Variants in MAGI2 observed in about 807,000 individuals in gnomAD.
MAGI2 encodes the protein membrane associated guanylate kinase, WW and PDZ domain containing 2, also known as membrane-associated guanylate kinase, WW and PDZ domain-containing protein 2.
Under a neutral mutation model 133.3 loss-of-function variants are expected in MAGI2, and 35 were observed. The observed-to-expected ratio is 0.26, with a 90% confidence interval of 0.20 to 0.35. MAGI2 has a LOEUF of 0.35. Ranked by LOEUF, MAGI2 falls within the 10% of genes least tolerant of loss-of-function variation. The pLI is 1.00. For missense variants in MAGI2, 1,636 were observed against 1,863.4 expected, an observed-to-expected ratio of 0.88 and a Z score of 2.25; for synonymous variants, 729 against 710.6, an observed-to-expected ratio of 1.03 and a Z score of -0.41.
chr7:78,897,253 T>C (rs1167559706), intron 2 of MAGI2, among the ~76,000 whole-genome samples: 1 of 152,210 alleles, frequency 6.6e-6, no homozygotes, highest in African/African-American at 2.4e-5. Context: ...ATGTACTTTG[T>C]TTCCCAAGTT....
At chr7:79,075,670 G>A (rs1236395818) in intron 1 of MAGI2, among the ~76,000 whole-genome samples, 2 of 152,022 alleles carry the variant, frequency 1.3e-5, no homozygotes, top group African/African-American at 2.4e-5. Flanking sequence ...TGCTGAGGTG[G>A]GGAGTATGAC....
chr7:79,370,595 T>G (rs186238589), intron 1 of MAGI2, among the ~76,000 whole-genome samples: 1 of 151,410 alleles, frequency 6.6e-6, no homozygotes. Flanking sequence ...GCCAGCCAGG[T>G]TTCACGTTTC....
chr7:79,340,611 G>A (rs1236708586), intron 1 of MAGI2, among the ~76,000 whole-genome samples: 1 of 151,988 alleles, frequency 6.6e-6, no homozygotes, highest in African/African-American at 2.4e-5. Flanking sequence ...TTTCTAATAG[G>A]ATTTTGGTAT....
At chr7:79,424,531 A>G (rs577659008) in intron 1 of MAGI2, among the ~76,000 whole-genome samples, 51 of 152,150 alleles carry the variant, frequency 3.4e-4, no homozygotes, top group Non-Finnish European at 6.2e-4. Flanking sequence ...ATATGATCAA[A>G]AAATGCACAG....
intron 1 of MAGI2, among the ~76,000 whole-genome samples, chr7:79,140,177 T>C (rs1191016437): frequency 6.6e-6 from 1 of 152,244 alleles, no homozygotes; most frequent in Non-Finnish European, 1.5e-5. Flanking sequence ...TCACATTTGC[T>C]AGCTTAAAGC....
intron 4 of MAGI2, among the ~76,000 whole-genome samples, chr7:78,514,313 A>G (rs1351416498): frequency 6.6e-6 from 1 of 151,546 alleles, no homozygotes; most frequent in South Asian, 2.1e-4. Flanking sequence ...TATAATTACA[A>G]TCACCACAAA....
intron 2 of MAGI2, among the ~76,000 whole-genome samples, chr7:78,800,416 A>G (rs992530357): frequency 6.6e-6 from 1 of 151,966 alleles, no homozygotes; most frequent in Non-Finnish European, 1.5e-5. Flanking sequence ...CTGTATTCAG[A>G]TGGAGGCTTA....
At chr7:78,564,886 C>T (rs548775031) in intron 3 of MAGI2, among the ~76,000 whole-genome samples, 18 of 149,530 alleles carry the variant, frequency 1.2e-4, no homozygotes, top group African/African-American at 3.7e-4. Flanking sequence ...CTCCGCCTCC[C>T]GGGTTCAGGC....
chr7:79,248,619 C>T (rs1832989086), intron 1 of MAGI2, among the ~76,000 whole-genome samples: 1 of 152,028 alleles, frequency 6.6e-6, no homozygotes. Context: ...TAAGTTAGAC[C>T]ACAAAACAAG....
At chr7:78,258,602 G>A (rs138467407) in intron 9 of MAGI2, among the ~76,000 whole-genome samples, 19 of 151,916 alleles carry the variant, frequency 1.3e-4, no homozygotes, top group East Asian at 1.2e-3. Flanking sequence ...CTAGGTGTCC[G>A]TAAAAACAAT....
intron 2 of MAGI2, among the ~76,000 whole-genome samples, chr7:78,666,473 C>T (rs935446475): frequency 6.6e-6 from 1 of 151,990 alleles, no homozygotes; most frequent in Non-Finnish European, 1.5e-5. Context: ...ACAAAGTACC[C>T]CTTTGAAAGT....
At chr7:79,060,557 C>T (rs1813632364) in intron 1 of MAGI2, among the ~76,000 whole-genome samples, 1 of 151,996 alleles carries the variant, frequency 6.6e-6, no homozygotes, top group South Asian at 2.1e-4. Context: ...TAATAGGCCA[C>T]ATGTAGGCCC....
At chr7:78,856,367 G>C (rs1793632716) in intron 2 of MAGI2, among the ~76,000 whole-genome samples, 2 of 152,122 alleles carry the variant, frequency 1.3e-5, no homozygotes, top group East Asian at 3.9e-4. Flanking sequence ...TTTTCTTCTA[G>C]GATTTTTATG....
intron 6 of MAGI2, among the ~76,000 whole-genome samples, chr7:78,398,462 C>A (rs1037716004): frequency 6.6e-6 from 1 of 152,114 alleles, no homozygotes; most frequent in Non-Finnish European, 1.5e-5. Flanking sequence ...ACCAAGAAGG[C>A]CTTAATGTTC....
chr7:78,429,224 G>A (rs1799560223), intron 6 of MAGI2, among the ~76,000 whole-genome samples: 1 of 152,090 alleles, frequency 6.6e-6, no homozygotes, highest in African/African-American at 2.4e-5. Context: ...ATTGGTTTTT[G>A]TAACTGACCC....
chr7:78,487,062 AC>A (rs1268146862), intron 6 of MAGI2: 7 of 461,768 alleles, frequency 1.5e-5, no homozygotes, highest in African/African-American at 1.2e-4. Context: ...GGGCAGAGGG[AC>A]TTTTGATAGG....
At chr7:78,648,355 G>T (rs369545467) in intron 2 of MAGI2, among the ~76,000 whole-genome samples, 4 of 152,114 alleles carry the variant, frequency 2.6e-5, no homozygotes, top group Non-Finnish European at 4.4e-5. Context: ...TGCTCAGTAC[G>T]TTGCAGTAAT....
intron 21 of MAGI2, among the ~76,000 whole-genome samples, chr7:78,076,815 C>T (rs1585029474): frequency 3.0e-5 from 4 of 131,292 alleles, no homozygotes; most frequent in Non-Finnish European, 3.1e-5. Flanking sequence ...CACTGCAGTC[C>T]GCAGTCCGGC....
chr7:79,190,000 CCA>C (rs1335023043), intron 1 of MAGI2, among the ~76,000 whole-genome samples: 1 of 151,672 alleles, frequency 6.6e-6, no homozygotes, highest in Non-Finnish European at 1.5e-5. Context: ...TATGAATATA[CCA>C]CAGTTTGTTC....
Sources: allele counts gnomAD v4.1 joint callset (sites outside exome capture counted in the v4.1 genomes callset), GRCh38; gene constraint gnomAD v4.1.1; transcripts MANE v1.5; gene names NCBI Gene and HGNC (gene_info 2026-07-23, HGNC 2026-07-21).